The following WDR5 variants were observed in gnomAD, a reference collection of about 807,000 sequenced individuals.
WDR5 encodes WD repeat domain 5.
For synonymous variants in WDR5, 144 were observed against 161.6 expected (o/e 0.89, Z 0.83); for missense variants, 187 against 416.9 (o/e 0.45, Z 4.80).
At chr9:134,148,023 C>T (rs756220607) in intron 7 of WDR5, among the ~76,000 whole-genome samples, 18 of 151,834 alleles carry the variant, frequency 1.2e-4, no homozygotes, top group Non-Finnish European at 1.9e-4. Flanking sequence ...ATTAGCTGGG[C>T]GTGGTGGTGC....
At position 134,153,057 on chromosome 9, in the gene WDR5, A is replaced by T. The variant is rs139268753; in HGVS notation, c.631+1028A>T. ...GCTTCAGCATGAGTCCCCTTGCCAC[A>T]GCGGTCTTTATAGCTTCCTGCCTTG... On this transcript the variant is annotated intron_variant, in intron 9 of 13. Coordinates refer to ENST00000358625, the MANE Select transcript of WDR5 (RefSeq NM_017588.3). Among the ~76,000 whole-genome samples the T allele has an allele frequency of 2.0e-5, 3 of 152,296 alleles. No homozygotes were observed. In the East Asian group the frequency reaches 5.8e-4, roughly 29 times the overall value.
chr9:134,142,323 T>C lies in WDR5; in HGVS notation c.355-10T>C. 6.2e-7 allele frequency: 1 copy of C among 1,612,104 alleles called. No homozygotes were observed. Among genetic ancestry groups the C allele is most frequent in the Non-Finnish European group, 8.5e-7 (1 of 1,178,688 alleles). On this transcript the variant is annotated splice_polypyrimidine_tract_variant and intron_variant, in intron 5 of 13. Coordinates refer to ENST00000358625, the MANE Select transcript of WDR5 (RefSeq NM_017588.3). ...AGCACTGGAATAATCCTAATAATAC[T>C]CTGTTATAGGGCAAGTGTCTGAAAA...
intron 10 of WDR5, among the ~76,000 whole-genome samples, chr9:134,154,979 T>C (rs34515929): frequency 0.077 from 11,706 of 152,250 alleles, 921 homozygotes; most frequent in African/African-American, 0.2. Context: ...GCCTGGGCCC[T>C]GATCCTCTGA....
chr9:134,142,444 TC>T, intron 6 of WDR5, 22 bp downstream of exon 6: 1 of 1,612,744 alleles, frequency 6.2e-7, no homozygotes, highest in South Asian at 1.1e-5. Context: ...TGGGGTGTCT[TC>T]CCTGGGGGAG....
rs1832905978 is a variant in WDR5 at position 134,159,650 on chromosome 9, TAAGAA to T, written c.*1658_*1662del. Reference sequence around the variant, plus strand: ...AGGTGTACGGATGAGTGACCTGCACTAAGAAGTGAGTTGCCACAGTGAAAATGGGT... The same window carrying T: ...AGGTGTACGGATGAGTGACCTGCACTGTGAGTTGCCACAGTGAAAATGGGT... On this transcript the variant is annotated 3_prime_UTR_variant, in exon 14 of 14. Transcript: ENST00000358625. This position sits in a 1 kb window ranked among gnomAD's most constrained non-coding sequence, Gnocchi z 4.3. 6.6e-6 allele frequency: 1 copy of T among 152,208 alleles called. No homozygotes were observed. The allele number at this position is 152,208 out of a possible 1,614,324, so 9.4% of individuals were successfully genotyped here.
intron 9 of WDR5, among the ~76,000 whole-genome samples, chr9:134,153,195 G>A (rs1018179283): frequency 1.6e-4 from 24 of 152,180 alleles, no homozygotes; most frequent in African/African-American, 5.5e-4. Context: ...GTGAGCACAC[G>A]TAACCCTCAC....
intron 7 of WDR5, among the ~76,000 whole-genome samples, chr9:134,144,642 C>G (rs1276907866): frequency 6.6e-6 from 1 of 152,070 alleles, no homozygotes; most frequent in Non-Finnish European, 1.5e-5. Context: ...GAGTTTGAGA[C>G]CATCCTGGAC....
rs1456568769 is a variant in WDR5 at position 134,158,144 on chromosome 9, C to T, written c.*151C>T. 20 of 668,130 alleles carry T rather than the reference C, an allele frequency of 3.0e-5. No individual in the cohort carries two copies. Among genetic ancestry groups the T allele is most frequent in the Middle Eastern group, 2.5e-4 (1 of 3,964 alleles). 41.4% of individuals were successfully genotyped at this position (668,130 alleles called of 1,614,324 possible). A position where few individuals can be genotyped will look rare whatever the true frequency, so the allele number is the denominator to read the frequency against. Reference sequence around the variant, plus strand: ...CCTCTCTGAAGATGATTTGGCCGAGCGGAAGGTGTGGACCACCGGAAAGTT... The same window carrying T: ...CCTCTCTGAAGATGATTTGGCCGAGTGGAAGGTGTGGACCACCGGAAAGTT... On this transcript the variant is annotated 3_prime_UTR_variant, in exon 14 of 14. Coordinates refer to ENST00000358625, the MANE Select transcript of WDR5 (RefSeq NM_017588.3).
At chr9:134,141,751 A>C (rs953987062) in intron 4 of WDR5, among the ~76,000 whole-genome samples, 168 bp downstream of exon 4, 11 of 152,152 alleles carry the variant, frequency 7.2e-5, no homozygotes, top group African/African-American at 2.7e-4. Context: ...ATAACATTTG[A>C]CTTCCATGGA....
chr9:134,150,754 A>C (rs1233969586), intron 8 of WDR5, among the ~76,000 whole-genome samples: 1 of 152,170 alleles, frequency 6.6e-6, no homozygotes, highest in South Asian at 2.1e-4. Context: ...TGCTCAGTGC[A>C]GGACCAGAAC....
intron 1 of WDR5, among the ~76,000 whole-genome samples, chr9:134,136,608 G>C (rs984262890): frequency 6.6e-6 from 1 of 151,924 alleles, no homozygotes; most frequent in Non-Finnish European, 1.5e-5. Context: ...TCCCCTCCTC[G>C]TAGAAACGCC....
At chr9:134,149,290 C>G (rs1275369824) in intron 8 of WDR5, among the ~76,000 whole-genome samples, 1 of 152,232 alleles carries the variant, frequency 6.6e-6, no homozygotes, top group African/African-American at 2.4e-5. Flanking sequence ...GCACACACTT[C>G]CGGGCCATCG....
At chr9:134,149,130 C>T (rs1437121351) in intron 8 of WDR5, among the ~76,000 whole-genome samples, 1 of 152,192 alleles carries the variant, frequency 6.6e-6, no homozygotes, top group Non-Finnish European at 1.5e-5. Flanking sequence ...CCCAGTCTGA[C>T]TCCCCAGTGA....
At chr9:134,141,259 C>T (rs534085835) in intron 3 of WDR5, among the ~76,000 whole-genome samples, 2 of 152,152 alleles carry the variant, frequency 1.3e-5, no homozygotes, top group African/African-American at 4.8e-5. Context: ...GCACTCCAGC[C>T]TGGGCGACAG....
chr9:134,142,259 A>G lies in WDR5; in HGVS notation c.355-74A>G, dbSNP rs564188104. ...TCAGGCATGCTTTGGGATGTCAGAC[A>G]TTGATGAATGTGACCTGACTCTTAC... On this transcript the variant is annotated intron_variant, in intron 5 of 13. Transcript: ENST00000358625. The G allele has an allele frequency of 1.0e-5, 15 of 1,499,902 alleles. No homozygotes were observed. In the East Asian group the frequency reaches 2.5e-4, roughly 25 times the overall value. The allele number at this position is 1,499,902 out of a possible 1,614,324, so 92.9% of individuals were successfully genotyped here. A position where few individuals can be genotyped will look rare whatever the true frequency, so the allele number is the denominator to read the frequency against.
At chr9:134,137,684 C>CA (rs538705043) in intron 1 of WDR5, among the ~76,000 whole-genome samples, 2,580 of 104,894 alleles carry the variant, frequency 0.025, 90 homozygotes, top group African/African-American at 0.076. Context: ...AAAACAAAAA[C>CA]AAAAAAAAAA....
At chr9:134,154,151 G>A (rs2132580206) in intron 9 of WDR5, among the ~76,000 whole-genome samples, 1 of 152,320 alleles carries the variant, frequency 6.6e-6, no homozygotes, top group South Asian at 2.1e-4. Context: ...GCATTCGCCA[G>A]CCTTATCCAT....
intron 7 of WDR5, among the ~76,000 whole-genome samples, chr9:134,147,817 C>T (rs1832280438): frequency 6.6e-6 from 1 of 151,684 alleles, no homozygotes; most frequent in Admixed American, 6.6e-5. Flanking sequence ...CTCAGGAGTT[C>T]GAGACCAGCC....
Position 134,157,960 on chromosome 9 carries a change from C to T in WDR5, c.972C>T (p.Asp324=), listed in dbSNP as rs776319724. The change falls in exon 14 of 14, where the codon GAC becomes GAT. Residue 324 remains aspartate, a synonymous_variant. Coordinates refer to ENST00000358625, the MANE Select transcript of WDR5 (RefSeq NM_017588.3). This position sits in a 1 kb window ranked among gnomAD's most constrained non-coding sequence, Gnocchi z 5.0. Reference sequence around the variant, plus strand: ...TCGCCTCTGCTGCGCTAGAAAATGACAAAACAATTAAACTGTGGAAGAGTG... The same window carrying T: ...TCGCCTCTGCTGCGCTAGAAAATGATAAAACAATTAAACTGTGGAAGAGTG... The part of the protein sequence containing the change: ...NIIASAALEN[D]KTIKLWKSDC The T allele has an allele frequency of 1.2e-6, 2 of 1,614,142 alleles. No individual in the cohort carries two copies. Among genetic ancestry groups the T allele is most frequent in the South Asian group, 2.2e-5 (2 of 91,088 alleles).
Sources: gnomAD v4.1 joint callset for allele counts (sites outside exome capture counted in the v4.1 genomes callset) on GRCh38, gnomAD v4.1.1 for gene constraint, Gnocchi (gnomAD v3.1) non-coding constraint, MANE v1.5 for transcripts, NCBI Gene and HGNC (gene_info 2026-07-23, HGNC 2026-07-21) for gene names.